Variants in DAB1 observed in about 807,000 individuals in gnomAD.
DAB1 encodes the protein DAB adaptor protein 1.
DAB1 carries 15 observed loss-of-function variants against 64.6 expected under a neutral mutation model. That is an observed-to-expected ratio of 0.23 (90% CI 0.16 to 0.36). The LOEUF (loss-of-function observed/expected upper bound fraction) is 0.36, where lower values mean the gene tolerates loss of function less well. DAB1 is among the 10% of genes least tolerant of loss of function. The probability of loss-of-function intolerance (pLI) is 1.00; values close to 1 mark genes in which losing one functional copy is unlikely to be tolerated. For missense variants in DAB1, 596 were observed against 706.7 expected (o/e 0.84, Z 1.78); for synonymous variants, 235 against 251.9 (o/e 0.93, Z 0.64).
rs557271834 is a variant in DAB1 at position 58,170,899 on chromosome 1, C to T, written n.310-20311G>A. Among the ~76,000 whole-genome samples the T allele has an allele frequency of 7.2e-4, 109 of 152,232 alleles. 1 individual carries two copies. The highest frequency in any genetic ancestry group is 2.2e-3 in the Admixed American group (33 of 15,298). ...TCACTGAGCCCCGGATATGTTTAACCATTGAGGGCCAGGAAATTGACTTCC... is the reference window on the plus strand; with the variant it reads ...TCACTGAGCCCCGGATATGTTTAACTATTGAGGGCCAGGAAATTGACTTCC... On this transcript the variant is annotated intron_variant and non_coding_transcript_variant, in intron 4 of 20. Transcript: ENST00000485760.
At chr1:58,050,488 A>C (rs1647570333) in intron 5 of DAB1, among the ~76,000 whole-genome samples, 1 of 152,222 alleles carries the variant, frequency 6.6e-6, no homozygotes, top group East Asian at 1.9e-4. Flanking sequence ...AGGAATATTT[A>C]GGTAGAATAA....
At chr1:57,995,810 T>A (rs544113822) in intron 5 of DAB1, among the ~76,000 whole-genome samples, 3 of 150,310 alleles carry the variant, frequency 2.0e-5, no homozygotes, top group Non-Finnish European at 4.4e-5. Context: ...CTATTGAGAG[T>A]CTCAGGTTTC....
intron 6 of DAB1, among the ~76,000 whole-genome samples, chr1:57,813,755 C>T (rs369464458): frequency 2.6e-5 from 4 of 152,126 alleles, no homozygotes; most frequent in African/African-American, 4.8e-5. Context: ...GAGCCTGATC[C>T]GCTGCAGCTC....
intron 1 of DAB1, among the ~76,000 whole-genome samples, chr1:57,369,566 A>C (rs1318036224): frequency 6.6e-6 from 1 of 152,210 alleles, no homozygotes; most frequent in Non-Finnish European, 1.5e-5. Context: ...TTTATGATGC[A>C]GAAAAAACAA....
intron 4 of DAB1, among the ~76,000 whole-genome samples, chr1:58,341,151 G>A (rs1316293050): frequency 6.6e-6 from 1 of 152,142 alleles, no homozygotes; most frequent in African/African-American, 2.4e-5. Flanking sequence ...TAAGAATTGA[G>A]GGAGAGGAGA....
chr1:57,284,660 T>C (rs1327919846), intron 2 of DAB1, among the ~76,000 whole-genome samples: 3 of 152,248 alleles, frequency 2.0e-5, no homozygotes, highest in Non-Finnish European at 4.4e-5. Context: ...ATAAGCCTGA[T>C]AAAAAGATTG....
chr1:57,244,135 G>A (rs975187448), intron 2 of DAB1, among the ~76,000 whole-genome samples: 4 of 151,922 alleles, frequency 2.6e-5, no homozygotes, highest in Admixed American at 6.6e-5. Flanking sequence ...GGCATATTTG[G>A]CTCTCTTATT....
intron 7 of DAB1, among the ~76,000 whole-genome samples, chr1:57,484,558 C>CA (rs1170860406): frequency 1.3e-5 from 2 of 152,070 alleles, no homozygotes; most frequent in African/African-American, 4.8e-5. Flanking sequence ...GGGAGGAGAC[C>CA]AGGGAGGAGC....
chr1:57,820,451 G>C (rs1427786156), intron 6 of DAB1, among the ~76,000 whole-genome samples: 1 of 152,080 alleles, frequency 6.6e-6, no homozygotes, highest in Non-Finnish European at 1.5e-5. Context: ...AAATCCAGAA[G>C]CTGCAATTGA....
At chr1:58,384,328 T>G (rs1370650175) in intron 3 of DAB1, among the ~76,000 whole-genome samples, 2 of 152,200 alleles carry the variant, frequency 1.3e-5, no homozygotes, top group African/African-American at 4.8e-5. Flanking sequence ...GAAAGATATC[T>G]AAATAGTCAT....
rs144495866 is a variant in DAB1, at chr1:58,526,819, C to T, written n.107+442G>A. Among the ~76,000 whole-genome samples the T allele has an allele frequency of 5.9e-5, 9 of 152,128 alleles. No homozygotes were observed. The East Asian group carries it at 1.7e-3, about 29-fold the overall frequency. On this transcript the variant is annotated intron_variant and non_coding_transcript_variant, in intron 2 of 20. Coordinates refer to the DAB1 transcript ENST00000485760. The stretch of plus-strand genomic sequence containing the variant: ...AAGCAAGGGGTAAAATATTGGAGTA[C>T]TGGAGTAAAATAAAGAGATAGCATT...
At chr1:57,204,809 A>G (rs1195687793) in intron 2 of DAB1, among the ~76,000 whole-genome samples, 1 of 152,232 alleles carries the variant, frequency 6.6e-6, no homozygotes, top group Non-Finnish European at 1.5e-5. Flanking sequence ...TATTATTGCC[A>G]TTTACTTTGA....
chr1:57,083,865 C>G (rs1457545174), intron 4 of DAB1, among the ~76,000 whole-genome samples: 1 of 152,210 alleles, frequency 6.6e-6, no homozygotes, highest in East Asian at 1.9e-4. Flanking sequence ...CTTTCGTTAA[C>G]TTGGACAAAT....
chr1:58,519,518 T>A (rs1169661928), intron 2 of DAB1, among the ~76,000 whole-genome samples: 5 of 152,122 alleles, frequency 3.3e-5, no homozygotes, highest in African/African-American at 1.2e-4. Flanking sequence ...AGGCTCTGAA[T>A]GAGTGAAGAG....
At chr1:57,382,107 C>T (rs269039) in intron 1 of DAB1, among the ~76,000 whole-genome samples, 82,728 of 152,020 alleles carry the variant, frequency 0.54, 23,565 homozygotes, top group African/African-American at 0.66. Flanking sequence ...TCCCTCTTCC[C>T]GTCTCAGTTG....
intron 1 of DAB1, among the ~76,000 whole-genome samples, chr1:57,313,908 G>A (rs1276414014): frequency 6.6e-6 from 1 of 152,172 alleles, no homozygotes; most frequent in Admixed American, 6.5e-5. Context: ...TGAAGTTACA[G>A]TGAGAAGGTG....
intron 2 of DAB1, among the ~76,000 whole-genome samples, chr1:57,269,092 GAT>G (rs764899647): frequency 5.1e-4 from 78 of 152,224 alleles, no homozygotes; most frequent in Non-Finnish European, 8.5e-4. Flanking sequence ...CCACAGAGGA[GAT>G]ACAGCCACTG....
chr1:57,205,252 G>A (rs1172956774), intron 2 of DAB1, among the ~76,000 whole-genome samples: 1 of 152,148 alleles, frequency 6.6e-6, no homozygotes, highest in East Asian at 1.9e-4. Context: ...CGGGACATAT[G>A]GTTTCCTGAA....
chr1:58,455,665 T>G (rs2100301846), intron 3 of DAB1, among the ~76,000 whole-genome samples: 1 of 152,372 alleles, frequency 6.6e-6, no homozygotes, highest in African/African-American at 2.4e-5. Flanking sequence ...ACAATTTTGC[T>G]GGAGAATCTT....
Sources: allele counts gnomAD v4.1 joint callset (sites outside exome capture counted in the v4.1 genomes callset), GRCh38; gene constraint gnomAD v4.1.1; transcripts MANE v1.5; gene names NCBI Gene and HGNC (gene_info 2026-07-23, HGNC 2026-07-21).